KBTBD8: variants seen among roughly 807,000 people sequenced by gnomAD.
The protein encoded by KBTBD8 is kelch repeat and BTB domain containing 8.
In KBTBD8, 31 loss-of-function variants were observed where a neutral mutation model predicts 53.5. The observed-to-expected ratio is 0.58, with a 90% confidence interval of 0.44 to 0.78. The LOEUF is 0.78. Ranked by LOEUF, KBTBD8 falls within the 30% of genes least tolerant of loss-of-function variation. KBTBD8 has a pLI of 0.00. For missense variants in KBTBD8, 642 were observed against 735.8 expected (o/e 0.87, Z 1.48); for synonymous variants, 250 against 247.3 (o/e 1.01, Z -0.10).
At position 67,008,421 on chromosome 3, in the gene KBTBD8, A is replaced by G. The variant is rs912771718; in HGVS notation, c.*36A>G. The G allele has an allele frequency of 1.1e-5, 15 of 1,392,456 alleles. No homozygotes were observed. Among genetic ancestry groups the G allele is most frequent in the Admixed American group, 2.0e-5 (1 of 50,810 alleles). The allele number at this position is 1,392,456 out of a possible 1,614,324, so 86.3% of individuals were successfully genotyped here. On this transcript the variant is annotated 3_prime_UTR_variant, in exon 4 of 4. Coordinates refer to ENST00000417314, the MANE Select transcript of KBTBD8 (RefSeq NM_032505.3). ...GGCCTTAGTGCATCACTGGCATCTC[A>G]TTCTTAGGAAACTTGTCTTTGATAC...
rs781343726 is a variant in KBTBD8 at position 67,003,814 on chromosome 3, A to C, written c.847A>C (p.Thr283Pro). ...TNGCTQRLGM[T>P]ASEMIICFDA... ...TGGCTGTACACAGAGGCTTGGAATG[A>C]CTGCTTCTGAAATGATCATATGTTT... The change falls in exon 3 of 4, where the codon ACT (threonine) becomes CCT (proline). Residue 283 changes from threonine to proline, a missense_variant. Transcript: ENST00000417314. 1 of 1,614,080 alleles carries C rather than the reference A, an allele frequency of 6.2e-7. No homozygotes were observed. The highest frequency in any genetic ancestry group is 8.5e-7 in the Non-Finnish European group (1 of 1,180,044).
Position 67,003,592 on chromosome 3 carries a change from C to G in KBTBD8, c.625C>G (p.Arg209Gly), listed in dbSNP as rs778743987. 1.9e-6 allele frequency: 3 copies of G among 1,613,738 alleles called. No individual in the cohort carries two copies. Among genetic ancestry groups the G allele is most frequent in the Non-Finnish European group, 2.5e-6 (3 of 1,179,822 alleles). Reference protein sequence around the residue: ...ILDSDDLNVDREEHVYESIIR... With the variant: ...ILDSDDLNVDGEEHVYESIIR... ...AGACAGTGACGATTTAAATGTAGAC[C>G]GAGAAGAGCATGTTTATGAAAGCAT... The change falls in exon 3 of 4, where the codon CGA (arginine) becomes GGA (glycine). Residue 209 changes from arginine (R) to glycine (G), a missense_variant. Arg to Gly is a moderately radical substitution (Grantham distance 125). Transcript: ENST00000417314.
In KBTBD8 at chr3:67,010,270, A is replaced by G. The variant is rs1354334898; in HGVS notation, c.*1885A>G. 3 of 152,526 alleles carry G rather than the reference A, an allele frequency of 2.0e-5. No homozygotes were observed. The highest frequency in any genetic ancestry group is 7.2e-5 in the African/African-American group (3 of 41,428). 9.4% of individuals were successfully genotyped at this position (152,526 alleles called of 1,614,324 possible). Reference sequence around the variant, plus strand: ...CATTGCTGAGGAGAGAGAAAAAACAATTTTTTTGCAAGAGATGTTCATGTA... The same window carrying G: ...CATTGCTGAGGAGAGAGAAAAAACAGTTTTTTTGCAAGAGATGTTCATGTA... On this transcript the variant is annotated 3_prime_UTR_variant, in exon 4 of 4. Coordinates refer to ENST00000417314, the MANE Select transcript of KBTBD8 (RefSeq NM_032505.3).
intron 1 of KBTBD8, 110 bp from the exon 2 acceptor site, chr3:66,998,871 A>G (rs1234128460): frequency 7.3e-6 from 6 of 820,032 alleles, no homozygotes; most frequent in Admixed American, 2.1e-5. Flanking sequence ...ACATTTGTAT[A>G]TATCTTGTAG....
chr3:66,999,961 T>G (rs1167102581), intron 2 of KBTBD8, among the ~76,000 whole-genome samples: 2 of 152,246 alleles, frequency 1.3e-5, no homozygotes, highest in African/African-American at 4.8e-5. Context: ...AACTTCCTAC[T>G]TTAAGATGAG....
rs1287885217 is a variant in KBTBD8, at chr3:67,003,244, A to G, written c.277A>G (p.Ile93Val). The change falls in exon 3 of 4, where the codon ATA becomes GTA. Residue 93 changes from isoleucine (I) to valine (V), a missense_variant. Ile to Val is a conservative substitution (Grantham distance 29, BLOSUM62 3). Coordinates refer to ENST00000417314, the MANE Select transcript of KBTBD8 (RefSeq NM_032505.3). ...AGAAAGTACTCAAAAAGAAGTTCGA[A>G]TAGTTGGTGTTGAAGCTGAATCGAT... ...LTESTQKEVR[I>V]VGVEAESMDL... 79 of 1,614,000 alleles carry G rather than the reference A, an allele frequency of 4.9e-5. No individual in the cohort carries two copies. The highest frequency in any genetic ancestry group is 6.7e-5 in the Non-Finnish European group (79 of 1,179,956).
chr3:67,000,915 ATACT>A (rs1326219031), intron 2 of KBTBD8, among the ~76,000 whole-genome samples: 7 of 151,946 alleles, frequency 4.6e-5, no homozygotes, highest in Non-Finnish European at 8.8e-5. Flanking sequence ...ATTAAGTATA[ATACT>A]TAGTAAGTAT....
At chr3:66,999,791 G>A (rs1702000378) in intron 2 of KBTBD8, among the ~76,000 whole-genome samples, 1 of 152,112 alleles carries the variant, frequency 6.6e-6, no homozygotes, top group Admixed American at 6.5e-5. Context: ...AATGCTATGG[G>A]GGTCAAAGCA....
Position 67,000,920 on chromosome 3 carries a change from T to G in KBTBD8, c.227+1729T>G, listed in dbSNP as rs139508941. 2.6e-5 allele frequency among the ~76,000 whole-genome samples: 4 copies of G among 152,076 alleles called. No individual in the cohort carries two copies. The East Asian group carries it at 7.7e-4, about 29-fold the overall frequency. On this transcript the variant is annotated intron_variant, in intron 2 of 3. Coordinates refer to ENST00000417314, the MANE Select transcript of KBTBD8 (RefSeq NM_032505.3). ...AAGTATACTTATTAAGTATAATACT[T>G]AGTAAGTATACTTATTAGTAACTTT... is the stretch of plus-strand genomic sequence containing the variant.
rs1347364097 is a variant in KBTBD8 at position 67,008,034 on chromosome 3, C to T, written c.1455C>T (p.Tyr485=). The T allele has an allele frequency of 4.3e-6, 7 of 1,613,468 alleles. No individual in the cohort carries two copies. The highest frequency in any genetic ancestry group is 1.7e-5 in the Admixed American group (1 of 59,966). Residue 485 remains tyrosine, a synonymous_variant, in exon 4 of 4, where the codon TAC becomes TAT. Transcript: ENST00000417314. ...CTGTATACAAGGACTCTATCTACTA[C>T]ATAGCTGGAACCTGTGGAAATCATC... is the stretch of plus-strand genomic sequence containing the variant. The part of the protein sequence containing the change: ...LAAVYKDSIY[Y]IAGTCGNHQR...
At position 67,010,236 on chromosome 3, in the gene KBTBD8, A is replaced by G. The variant is rs1274938842; in HGVS notation, c.*1851A>G. On this transcript the variant is annotated 3_prime_UTR_variant, in exon 4 of 4. Transcript: ENST00000417314. ...CTGTGTATTTTAGAAATCATTCTTT[A>G]CAGTTTTGCATTGCTGAGGAGAGAG... The G allele has an allele frequency of 1.3e-5, 2 of 152,540 alleles. No individual in the cohort carries two copies. Among genetic ancestry groups the G allele is most frequent in the African/African-American group, 2.4e-5 (1 of 41,442 alleles). 9.4% of individuals were successfully genotyped at this position (152,540 alleles called of 1,614,324 possible).
At chr3:67,005,305 T>C (rs1702055516) in intron 3 of KBTBD8, among the ~76,000 whole-genome samples, 1 of 152,232 alleles carries the variant, frequency 6.6e-6, no homozygotes, top group Admixed American at 6.5e-5. Context: ...ATGTAATGTT[T>C]TGGTCAATGA....
rs1702101224 is a variant in KBTBD8 at position 67,009,736 on chromosome 3, G to A, written c.*1351G>A. ...ACATGAAGGATAAACCAACTTATTTGTATACCTAAGGCAGGCATTTGGATC... is the reference window on the plus strand; with the variant it reads ...ACATGAAGGATAAACCAACTTATTTATATACCTAAGGCAGGCATTTGGATC... On this transcript the variant is annotated 3_prime_UTR_variant, in exon 4 of 4. Transcript: ENST00000417314. The A allele has an allele frequency of 6.6e-6, 1 of 152,560 alleles. No homozygotes were observed. Among genetic ancestry groups the A allele is most frequent in the Non-Finnish European group, 1.5e-5 (1 of 68,012 alleles). 9.5% of individuals were successfully genotyped at this position (152,560 alleles called of 1,614,324 possible).
In KBTBD8 at chr3:67,004,277, T is replaced by C; in HGVS notation, c.1310T>C (p.Val437Ala). Residue 437 changes from valine (V) to alanine (A), a missense_variant, in exon 3 of 4, where the codon GTG becomes GCG. Val to Ala is a moderately conservative substitution (Grantham distance 64). Coordinates refer to ENST00000417314, the MANE Select transcript of KBTBD8 (RefSeq NM_032505.3). ...GTTGCAATGGAATTTCATAATGCTGTGGAGTACAAAGAGAAGATCTATGTT... is the reference window on the plus strand; with the variant it reads ...GTTGCAATGGAATTTCATAATGCTGCGGAGTACAAAGAGAAGATCTATGTT... Reference protein sequence around the residue: ...MPVAMEFHNAVEYKEKIYVLQ... With the variant: ...MPVAMEFHNAAEYKEKIYVLQ... The C allele has an allele frequency of 6.2e-7, 1 of 1,614,106 alleles. No individual in the cohort carries two copies. Among genetic ancestry groups the C allele is most frequent in the Non-Finnish European group, 8.5e-7 (1 of 1,179,962 alleles).
intron 3 of KBTBD8, among the ~76,000 whole-genome samples, chr3:67,006,216 G>A (rs766133133): frequency 1.3e-5 from 2 of 152,126 alleles, no homozygotes; most frequent in Non-Finnish European, 2.9e-5. Context: ...TGGTCTTACT[G>A]CCTAACTGTT....
At chr3:66,998,593 A>G (rs1490910173) in intron 1 of KBTBD8, among the ~76,000 whole-genome samples, 1 of 152,016 alleles carries the variant, frequency 6.6e-6, no homozygotes, top group Non-Finnish European at 1.5e-5. Flanking sequence ...GCTGCGCCCC[A>G]GGAGGCAGCG....
At position 66,999,026 on chromosome 3, in the gene KBTBD8, A is replaced by G; in HGVS notation, c.62A>G (p.Asp21Gly). The G allele has an allele frequency of 6.2e-7, 1 of 1,613,784 alleles. No individual in the cohort carries two copies. Among genetic ancestry groups the G allele is most frequent in the African/African-American group, 1.3e-5 (1 of 75,020 alleles). ...ACACCGAATGGGATTCCATCTTCAG[A>G]CCCAGCCAGCGATGCCATGGACCCC... Reference protein sequence around the residue: ...SPTPNGIPSSDPASDAMDPFH... With the variant: ...SPTPNGIPSSGPASDAMDPFH... Residue 21 changes from aspartate to glycine, a missense_variant, in exon 2 of 4, where the codon GAC (aspartate) becomes GGC (glycine). Transcript: ENST00000417314.
chr3:67,008,692 T>C lies in KBTBD8; in HGVS notation c.*307T>C. On this transcript the variant is annotated 3_prime_UTR_variant, in exon 4 of 4. Transcript: ENST00000417314. ...CAGATGAATCAGGACAACTATGCAC[T>C]CTTATAAGAGCATTTAGGGTATTAT... 3.4e-6 allele frequency: 1 copy of C among 293,168 alleles called. No individual in the cohort carries two copies. Among genetic ancestry groups the C allele is most frequent in the South Asian group, 6.7e-5 (1 of 14,858 alleles). The allele number at this position is 293,168 out of a possible 1,614,324, so 18.2% of individuals were successfully genotyped here.
intron 3 of KBTBD8, among the ~76,000 whole-genome samples, chr3:67,007,702 T>TTA (rs1345778221): frequency 6.6e-6 from 1 of 152,166 alleles, no homozygotes; most frequent in Non-Finnish European, 1.5e-5. Flanking sequence ...TTCAGGTTGA[T>TTA]TATAATATTA....
Sources: allele counts gnomAD v4.1 joint callset (sites outside exome capture counted in the v4.1 genomes callset), GRCh38; gene constraint gnomAD v4.1.1; transcripts MANE v1.5; gene names NCBI Gene and HGNC (gene_info 2026-07-23, HGNC 2026-07-21).